The following TSHZ1 variants were observed in gnomAD, a reference collection of about 807,000 sequenced individuals.
The protein encoded by TSHZ1 is teashirt homolog 1.
In TSHZ1, 12 loss-of-function variants were observed where a neutral mutation model predicts 67.1. The observed-to-expected ratio is 0.18, with a 90% confidence interval of 0.11 to 0.29. The LOEUF is 0.29. Ranked by LOEUF, TSHZ1 falls within the 10% of genes least tolerant of loss-of-function variation. The probability of loss-of-function intolerance (pLI) is 1.00; values close to 1 mark genes in which losing one functional copy is unlikely to be tolerated. For synonymous variants in TSHZ1, 632 were observed against 622.4 expected, an observed-to-expected ratio of 1.02 and a Z score of -0.23; for missense variants, 1,305 against 1,413.9, an observed-to-expected ratio of 0.92 and a Z score of 1.23.
At chr18:75,251,039 T>C (rs773054895) in intron 1 of TSHZ1, among the ~76,000 whole-genome samples, 2 of 152,242 alleles carry the variant, frequency 1.3e-5, no homozygotes, top group Non-Finnish European at 2.9e-5. Context: ...CCTATTTTTG[T>C]AGGATCTTTT....
At chr18:75,275,227 C>G (rs769265959) in intron 1 of TSHZ1, among the ~76,000 whole-genome samples, 4 of 152,186 alleles carry the variant, frequency 2.6e-5, no homozygotes, top group Non-Finnish European at 5.9e-5. Flanking sequence ...GACATAAGCC[C>G]TTTGTGGGTT....
At position 75,287,274 on chromosome 18, in the gene TSHZ1, T is replaced by G. The variant is rs778920635; in HGVS notation, c.1867T>G (p.Ser623Ala). 1 of 1,613,840 alleles carries G rather than the reference T, an allele frequency of 6.2e-7. No homozygotes were observed. Among genetic ancestry groups the G allele is most frequent in the Non-Finnish European group, 8.5e-7 (1 of 1,179,942 alleles). The change falls in exon 2 of 2, where the codon TCC becomes GCC. Residue 623 changes from serine (S) to alanine (A), a missense_variant. Around this residue, in one of 3 missense-constraint regions of TSHZ1, gnomAD observed 909 missense variants for 961.8 expected, o/e 0.95. Transcript: ENST00000580243. The surrounding 1 kb of genome is among the most constrained non-coding windows in gnomAD (Gnocchi z 5.0). ...SSAEHNALLH[S>A]PGSLTPPPHK... is the part of the protein sequence containing the mutation. ...CGCCGAGCACAACGCCCTCCTGCAC[T>G]CCCCAGGGAGCCTCACGCCCCCACC...
chr18:75,264,731 G>A (rs2023470614), intron 1 of TSHZ1, among the ~76,000 whole-genome samples: 2 of 150,844 alleles, frequency 1.3e-5, no homozygotes, highest in South Asian at 4.2e-4. Context: ...AGCGAGTCAG[G>A]ATAAGCTTAT....
At position 75,289,459 on chromosome 18, in the gene TSHZ1, C is replaced by T. The variant is rs1159783252; in HGVS notation, c.*818C>T. On this transcript the variant is annotated 3_prime_UTR_variant, in exon 2 of 2. Transcript: ENST00000580243. Reference sequence around the variant, plus strand: ...TTATTTACAAATGTAAGCTTTGGTACAAGCTGACCTTTCTATAGCGTGCTG... The same window carrying T: ...TTATTTACAAATGTAAGCTTTGGTATAAGCTGACCTTTCTATAGCGTGCTG... The T allele has an allele frequency of 6.0e-6, 1 of 166,928 alleles. No individual in the cohort carries two copies. Among genetic ancestry groups the T allele is most frequent in the Non-Finnish European group, 1.5e-5 (1 of 68,092 alleles). The allele number at this position is 166,928 out of a possible 1,614,324, so 10.3% of individuals were successfully genotyped here. A position where few individuals can be genotyped will look rare whatever the true frequency, so the allele number is the denominator to read the frequency against.
chr18:75,264,404 T>A (rs1282077127), intron 1 of TSHZ1, among the ~76,000 whole-genome samples: 4 of 152,196 alleles, frequency 2.6e-5, no homozygotes, highest in Admixed American at 2.6e-4. Flanking sequence ...AGATAACTTT[T>A]GCATGCGGGT....
chr18:75,265,817 T>TA (rs1156663453), intron 1 of TSHZ1, among the ~76,000 whole-genome samples: 1 of 152,178 alleles, frequency 6.6e-6, no homozygotes, highest in African/African-American at 2.4e-5. Flanking sequence ...TTCCCCCCCT[T>TA]ACTCGAATCT....
At chr18:75,234,734 A>G (rs538590848) in intron 1 of TSHZ1, among the ~76,000 whole-genome samples, 88 of 152,236 alleles carry the variant, frequency 5.8e-4, no homozygotes, top group Non-Finnish European at 7.1e-4. Flanking sequence ...TTCCTGTTAA[A>G]TATGACACGT....
chr18:75,287,674 A>G lies in TSHZ1; in HGVS notation c.2267A>G (p.His756Arg). ...LSALQSIMNT[H>R]LGKVSKPVSP... Reference sequence around the variant, plus strand: ...GCTTTGCAGTCCATCATGAACACCCACCTGGGCAAGGTGTCCAAGCCCGTG... The same window carrying G: ...GCTTTGCAGTCCATCATGAACACCCGCCTGGGCAAGGTGTCCAAGCCCGTG... Residue 756 changes from histidine (H) to arginine (R), a missense_variant, in exon 2 of 2, where the codon CAC becomes CGC. His to Arg is a conservative substitution (Grantham distance 29). Coordinates refer to ENST00000580243, the MANE Select transcript of TSHZ1 (RefSeq NM_001308210.2). The surrounding 1 kb of genome is among the most constrained non-coding windows in gnomAD (Gnocchi z 5.0). 1.9e-6 allele frequency: 3 copies of G among 1,614,158 alleles called. No individual in the cohort carries two copies. The highest frequency in any genetic ancestry group is 2.5e-6 in the Non-Finnish European group (3 of 1,180,036).
rs538304919 is a variant in TSHZ1, at chr18:75,285,845, C to T, written c.438C>T (p.Asn146=). The T allele has an allele frequency of 1.1e-5, 17 of 1,613,468 alleles. No homozygotes were observed. Among genetic ancestry groups the T allele is most frequent in the African/African-American group, 1.3e-5 (1 of 74,966 alleles). ...LKKSGSTTST[N]DASQKESSAP... ...AGTCGGGTTCCACCACCAGCACCAA[C>T]GATGCCAGCCAGAAGGAGAGCTCCG... is the stretch of plus-strand genomic sequence containing the variant. Residue 146 remains asparagine (N), a synonymous_variant, in exon 2 of 2, where the codon AAC becomes AAT. Coordinates refer to ENST00000580243, the MANE Select transcript of TSHZ1 (RefSeq NM_001308210.2).
chr18:75,286,083 G>A lies in TSHZ1; in HGVS notation c.676G>A (p.Val226Met), dbSNP rs1261089061. The change falls in exon 2 of 2, where the codon GTG becomes ATG. Residue 226 changes from valine to methionine, a missense_variant. By Grantham distance (21) the Val-to-Met change is conservative. Around this residue, in one of 3 missense-constraint regions of TSHZ1, gnomAD observed 358 missense variants for 375.6 expected, o/e 0.95. Transcript: ENST00000580243. The surrounding 1 kb of genome is among the most constrained non-coding windows in gnomAD (Gnocchi z 5.1). ...TCCTGAGCCCAGCCTGTTCAGCACC[G>A]TGCAGCTCTACCGCCAGAACAACAA... ...LLPEPSLFSTVQLYRQNNKLY... is the reference protein window; with the variant it reads ...LLPEPSLFSTMQLYRQNNKLY... 23 of 1,612,232 alleles carry A rather than the reference G, an allele frequency of 1.4e-5. No individual in the cohort carries two copies. The highest frequency in any genetic ancestry group is 1.6e-4 in the Middle Eastern group (1 of 6,082).
At chr18:75,262,246 C>T (rs1415365985) in intron 1 of TSHZ1, among the ~76,000 whole-genome samples, 1 of 152,180 alleles carries the variant, frequency 6.6e-6, no homozygotes, top group Non-Finnish European at 1.5e-5. Flanking sequence ...AAGGAGCTGC[C>T]TTCCCCTTTA....
At chr18:75,222,675 A>T (rs369720729) in intron 1 of TSHZ1, among the ~76,000 whole-genome samples, 2 of 152,128 alleles carry the variant, frequency 1.3e-5, no homozygotes, top group East Asian at 3.9e-4. Context: ...GATGCTAACT[A>T]TTTGCTCCAG....
chr18:75,224,357 G>A (rs2022892897), intron 1 of TSHZ1, among the ~76,000 whole-genome samples: 1 of 152,160 alleles, frequency 6.6e-6, no homozygotes, highest in Non-Finnish European at 1.5e-5. Context: ...CCTGACAGAT[G>A]TCTGTTCCTC....
chr18:75,261,289 G>T (rs1242318670), intron 1 of TSHZ1, among the ~76,000 whole-genome samples: 4 of 152,170 alleles, frequency 2.6e-5, no homozygotes, highest in African/African-American at 9.7e-5. Context: ...TTCCAAAAAT[G>T]CTTTGACTCA....
intron 1 of TSHZ1, among the ~76,000 whole-genome samples, chr18:75,277,579 T>A (rs536219588): frequency 6.6e-6 from 1 of 152,190 alleles, no homozygotes; most frequent in Non-Finnish European, 1.5e-5. Flanking sequence ...CTCCTGTGTG[T>A]ACGTAGATGG....
At chr18:75,248,914 A>G (rs962430592) in intron 1 of TSHZ1, among the ~76,000 whole-genome samples, 4 of 152,174 alleles carry the variant, frequency 2.6e-5, no homozygotes, top group African/African-American at 7.2e-5. Flanking sequence ...CCGTGAAGCC[A>G]TAGGGTCACC....
At chr18:75,258,969 A>G (rs1053177894) in intron 1 of TSHZ1, among the ~76,000 whole-genome samples, 6 of 152,214 alleles carry the variant, frequency 3.9e-5, no homozygotes, top group African/African-American at 7.2e-5. Flanking sequence ...TTGACATTTT[A>G]TAAGAAAAGG....
At chr18:75,257,962 GTCATCAGAGGGGGCATCTGGAC>G (rs2023382193) in intron 1 of TSHZ1, among the ~76,000 whole-genome samples, 1 of 152,196 alleles carries the variant, frequency 6.6e-6, no homozygotes, top group African/African-American at 2.4e-5. Context: ...TCACAGCCTC[GTCATCAGAGGGGGCATCTGGAC>G]TCCTAGCAGA....
At chr18:75,284,476 G>A (rs56895364) in intron 1 of TSHZ1, 39,784 of 152,134 alleles carry the variant, frequency 0.26, 5,933 homozygotes, top group Middle Eastern at 0.34. Flanking sequence ...CGTTAAGAAC[G>A]TTCATATTGA....
Sources: gnomAD v4.1 joint callset for allele counts (sites outside exome capture counted in the v4.1 genomes callset) on GRCh38, gnomAD v4.1.1 for gene constraint, gnomAD v4.1.1 regional missense constraint, Gnocchi (gnomAD v3.1) non-coding constraint, MANE v1.5 for transcripts, NCBI Gene and HGNC (gene_info 2026-07-23, HGNC 2026-07-21) for gene names.